Variants in HSD17B12 observed in about 807,000 individuals in gnomAD.
HSD17B12 encodes the protein very-long-chain 3-oxoacyl-CoA reductase.
HSD17B12 carries 32 observed loss-of-function variants against 39.3 expected under a neutral mutation model. The ratio of observed to expected loss-of-function variants is 0.81; its 90% CI spans 0.61 to 1.09. HSD17B12 has a LOEUF of 1.09. Ranked by LOEUF, HSD17B12 falls within the 50% of genes least tolerant of loss-of-function variation. The probability of loss-of-function intolerance (pLI) is 0.00; values close to 1 mark genes in which losing one functional copy is unlikely to be tolerated. For missense variants in HSD17B12, 342 were observed against 382.9 expected, an observed-to-expected ratio of 0.89 and a Z score of 0.89; for synonymous variants, 150 against 146.7, an observed-to-expected ratio of 1.02 and a Z score of -0.16.
At chr11:43,648,743 T>C in the HSD17B12 span, among the ~76,000 whole-genome samples, 77 of 135,214 alleles carry the variant, frequency 5.7e-4, no homozygotes, top group Non-Finnish European at 1.1e-3. Flanking sequence ...GTTTTTTTGT[T>C]TTGAGACAGA....
intron 1 of HSD17B12, among the ~76,000 whole-genome samples, chr11:43,739,726 C>T (rs1049038895): frequency 6.6e-5 from 10 of 152,162 alleles, no homozygotes; most frequent in African/African-American, 2.4e-4. Flanking sequence ...GGAAGGGACA[C>T]ATTAAAACCA....
the HSD17B12 span, among the ~76,000 whole-genome samples, chr11:43,662,470 C>T: frequency 1.4e-5 from 2 of 148,034 alleles, no homozygotes; most frequent in African/African-American, 5.0e-5. Context: ...GTCTCGAACT[C>T]CTGACCTCAA....
intron 4 of HSD17B12, among the ~76,000 whole-genome samples, chr11:43,799,907 C>T (rs769355304): frequency 5.3e-5 from 8 of 152,202 alleles, no homozygotes; most frequent in Non-Finnish European, 1.2e-4. Context: ...CCATATCACA[C>T]ATCACCATGC....
At chr11:43,755,848 A>G (rs1950503600) in intron 3 of HSD17B12, among the ~76,000 whole-genome samples, 1 of 152,178 alleles carries the variant, frequency 6.6e-6, no homozygotes, top group African/African-American at 2.4e-5. Flanking sequence ...CATGCTGCTG[A>G]TAAAGACATA....
At chr11:43,632,078 T>A in the HSD17B12 span, among the ~76,000 whole-genome samples, 1 of 152,180 alleles carries the variant, frequency 6.6e-6, no homozygotes. Context: ...AAAGCGCAGA[T>A]CCTAATCTCT....
At chr11:43,650,738 C>T in the HSD17B12 span, among the ~76,000 whole-genome samples, 1 of 152,298 alleles carries the variant, frequency 6.6e-6, no homozygotes, top group South Asian at 2.1e-4. Context: ...ATGGTGGATG[C>T]ACACATGTAG....
the HSD17B12 span, among the ~76,000 whole-genome samples, chr11:43,600,906 T>C: frequency 5.3e-5 from 8 of 151,828 alleles, no homozygotes; most frequent in Non-Finnish European, 7.4e-5. Context: ...TCACTTTATG[T>C]GTTGAGTTTT....
chr11:43,844,925 A>G (rs1951460405), intron 9 of HSD17B12, among the ~76,000 whole-genome samples: 1 of 152,216 alleles, frequency 6.6e-6, no homozygotes, highest in Non-Finnish European at 1.5e-5. Context: ...AGTAAGTGCA[A>G]ACATTATGGT....
chr11:43,569,367 T>C, the HSD17B12 span: 1 of 152,172 alleles, frequency 6.6e-6, no homozygotes, highest in Non-Finnish European at 1.5e-5. Flanking sequence ...CCTGAGCAAT[T>C]GGTTGTCATT....
At chr11:43,752,718 A>C (rs1364479263) in intron 2 of HSD17B12, among the ~76,000 whole-genome samples, 1 of 152,074 alleles carries the variant, frequency 6.6e-6, no homozygotes, top group South Asian at 2.1e-4. Flanking sequence ...TGTCTCAAAA[A>C]AAAAAATAAG....
At chr11:43,714,459 T>C (rs900060304) in intron 1 of HSD17B12, among the ~76,000 whole-genome samples, 10 of 152,248 alleles carry the variant, frequency 6.6e-5, no homozygotes, top group African/African-American at 2.4e-4. Context: ...TTTCTGAGGG[T>C]TCTGTTCTGT....
At chr11:43,697,649 T>C (rs1949924442) in intron 1 of HSD17B12, among the ~76,000 whole-genome samples, 1 of 152,080 alleles carries the variant, frequency 6.6e-6, no homozygotes, top group Non-Finnish European at 1.5e-5. Flanking sequence ...CATTGATAAA[T>C]TAGAGATGGG....
At chr11:43,835,613 T>A (rs17514553) in intron 7 of HSD17B12, among the ~76,000 whole-genome samples, 6,879 of 152,216 alleles carry the variant, frequency 0.045, 181 homozygotes, top group Non-Finnish European at 0.054. Flanking sequence ...TACTGTCACT[T>A]TGGTACAATT....
intron 1 of HSD17B12, among the ~76,000 whole-genome samples, chr11:43,687,479 T>G (rs1949812404): frequency 6.6e-6 from 1 of 152,200 alleles, no homozygotes; most frequent in Non-Finnish European, 1.5e-5. Context: ...GTTCTAGAGC[T>G]GTGCTGGGGA....
intron 1 of HSD17B12, among the ~76,000 whole-genome samples, chr11:43,696,743 C>T (rs907029357): frequency 1.3e-5 from 2 of 152,010 alleles, no homozygotes; most frequent in Admixed American, 6.6e-5. Flanking sequence ...TTTACAATAG[C>T]GAAGACATGG....
intron 9 of HSD17B12, chr11:43,854,208 G>T (rs1951560093): frequency 6.6e-6 from 1 of 152,230 alleles, no homozygotes; most frequent in Non-Finnish European, 1.5e-5. Flanking sequence ...GAGAAACTAG[G>T]GAAGAAAAGT....
chr11:43,715,097 C>G (rs1213934149), intron 1 of HSD17B12, among the ~76,000 whole-genome samples: 1 of 152,082 alleles, frequency 6.6e-6, no homozygotes, highest in Non-Finnish European at 1.5e-5. Context: ...TCCTCTTTTC[C>G]TAATTGAATA....
In HSD17B12 at chr11:43,826,572, A is replaced by G. The variant is rs551413910; in HGVS notation, c.502-4404A>G. Among the ~76,000 whole-genome samples, 39 of 152,298 alleles carry G rather than the reference A, an allele frequency of 2.6e-4. 2 individuals carry two copies. The South Asian group carries it at 7.9e-3, about 31-fold the overall frequency. ...ATGATATAGGATTGAATTTAAGGTT[A>G]AGTAATATGGAGCTGGGAAAATGGC... is the stretch of plus-strand genomic sequence containing the variant. On this transcript the variant is annotated intron_variant, in intron 6 of 10. Coordinates refer to ENST00000278353, the MANE Select transcript of HSD17B12 (RefSeq NM_016142.3).
the HSD17B12 span, among the ~76,000 whole-genome samples, chr11:43,616,421 AAAAC>A: frequency 2.1e-4 from 29 of 139,136 alleles, 3 homozygotes; most frequent in African/African-American, 3.9e-4. Flanking sequence ...AAAAAAACAA[AAAAC>A]AAAAAAAAAA....
Sources: gnomAD v4.1 joint callset for allele counts (sites outside exome capture counted in the v4.1 genomes callset) on GRCh38, gnomAD v4.1.1 for gene constraint, MANE v1.5 for transcripts, NCBI Gene and HGNC (gene_info 2026-07-23, HGNC 2026-07-21) for gene names.